CAMKMT: variants seen among roughly 807,000 people sequenced by gnomAD.
CAMKMT encodes CaM KMT.
In CAMKMT, 53 loss-of-function variants were observed where a neutral mutation model predicts 48.0. The ratio of observed to expected loss-of-function variants is 1.10; its 90% CI spans 0.89 to 1.39. The LOEUF (loss-of-function observed/expected upper bound fraction) is 1.39, where lower values mean the gene tolerates loss of function less well. CAMKMT is among the 40% of genes most tolerant of loss of function. CAMKMT has a pLI of 0.00. For synonymous variants in CAMKMT, 165 were observed against 152.3 expected, an observed-to-expected ratio of 1.08 and a Z score of -0.61; for missense variants, 428 against 402.7, an observed-to-expected ratio of 1.06 and a Z score of -0.54.
intron 3 of CAMKMT, among the ~76,000 whole-genome samples, chr2:44,496,042 G>A (rs1031498020): frequency 6.6e-6 from 1 of 151,990 alleles, no homozygotes; most frequent in Non-Finnish European, 1.5e-5. Context: ...TCAGAGTAAG[G>A]CCATGGTTGC....
intron 6 of CAMKMT, 43 bp from the exon 7 acceptor site, chr2:44,715,244 A>C (rs146599087): frequency 7.7e-7 from 1 of 1,295,470 alleles, no homozygotes; most frequent in Non-Finnish European, 1.1e-6. Flanking sequence ...TTTTTTGGTC[A>C]CTTCACAATC....
At chr2:44,531,993 C>A (rs762599704) in intron 3 of CAMKMT, among the ~76,000 whole-genome samples, 1 of 152,096 alleles carries the variant, frequency 6.6e-6, no homozygotes, top group Non-Finnish European at 1.5e-5. Context: ...ATATTATATC[C>A]TAGTAATTGA....
At chr2:44,438,828 C>T (rs1666452526) in intron 3 of CAMKMT, among the ~76,000 whole-genome samples, 1 of 151,958 alleles carries the variant, frequency 6.6e-6, no homozygotes. Context: ...CTCTTGAGTA[C>T]CAGGTGTGCT....
intron 3 of CAMKMT, among the ~76,000 whole-genome samples, chr2:44,403,184 C>T (rs1682548622): frequency 6.6e-6 from 1 of 152,156 alleles, no homozygotes. Flanking sequence ...TCAGAGAAAA[C>T]ACTTTTGAGT....
intron 3 of CAMKMT, among the ~76,000 whole-genome samples, chr2:44,541,429 T>C (rs1667100255): frequency 6.6e-6 from 1 of 152,208 alleles, no homozygotes; most frequent in Admixed American, 6.5e-5. Context: ...TTTATGTTTA[T>C]CTATATTTTA....
intron 3 of CAMKMT, among the ~76,000 whole-genome samples, chr2:44,570,490 T>A (rs2103733202): frequency 6.6e-6 from 1 of 152,274 alleles, no homozygotes; most frequent in African/African-American, 2.4e-5. Context: ...AAAATACTAT[T>A]ATCTGAATCT....
intron 8 of CAMKMT, among the ~76,000 whole-genome samples, chr2:44,744,157 A>G (rs1158630808): frequency 6.6e-6 from 1 of 152,220 alleles, no homozygotes; most frequent in African/African-American, 2.4e-5. Context: ...TATCTGTGGA[A>G]TATCTTTGGG....
At chr2:44,719,065 T>C (rs938562606) in intron 7 of CAMKMT, among the ~76,000 whole-genome samples, 1 of 152,194 alleles carries the variant, frequency 6.6e-6, no homozygotes, top group Non-Finnish European at 1.5e-5. Context: ...TTGATTTTCC[T>C]GGGCCTTCTG....
intron 3 of CAMKMT, among the ~76,000 whole-genome samples, chr2:44,693,187 G>T (rs1676757551): frequency 1.3e-5 from 2 of 152,038 alleles, no homozygotes; most frequent in African/African-American, 2.4e-5. Context: ...GCCTCCTCTT[G>T]CCCCGTTTCA....
At chr2:44,625,798 ATTG>A (rs1553427981) in intron 3 of CAMKMT, among the ~76,000 whole-genome samples, 1 of 152,016 alleles carries the variant, frequency 6.6e-6, no homozygotes, top group Non-Finnish European at 1.5e-5. Flanking sequence ...ACTTTTACAT[ATTG>A]TTGAAAATTA....
At chr2:44,571,373 G>A (rs1402414348) in intron 3 of CAMKMT, among the ~76,000 whole-genome samples, 2 of 152,140 alleles carry the variant, frequency 1.3e-5, no homozygotes, top group Admixed American at 1.3e-4. Context: ...AGCAATATTT[G>A]AAAACAGGTT....
At chr2:44,631,467 C>G (rs981080976) in intron 3 of CAMKMT, 3 of 587,698 alleles carry the variant, frequency 5.1e-6, no homozygotes, top group Admixed American at 2.7e-5. Flanking sequence ...GAAAAAAAAA[C>G]AATTTTTTAT....
At chr2:44,668,728 C>G (rs1241309801) in intron 3 of CAMKMT, among the ~76,000 whole-genome samples, 1 of 152,154 alleles carries the variant, frequency 6.6e-6, no homozygotes, top group Non-Finnish European at 1.5e-5. Flanking sequence ...ACCTCCACTG[C>G]TTAAGTAACC....
chr2:44,670,724 G>C (rs919713952), intron 3 of CAMKMT, among the ~76,000 whole-genome samples: 10 of 152,146 alleles, frequency 6.6e-5, no homozygotes, highest in African/African-American at 2.4e-4. Flanking sequence ...CACCTCCAGA[G>C]TTTCTGATTC....
At chr2:44,540,687 G>T (rs1007760924) in intron 3 of CAMKMT, among the ~76,000 whole-genome samples, 2 of 152,094 alleles carry the variant, frequency 1.3e-5, no homozygotes, top group South Asian at 4.1e-4. Flanking sequence ...GAAGGGCAAG[G>T]CTGCAGTGAG....
At chr2:44,503,551 A>G (rs1287137951) in intron 3 of CAMKMT, among the ~76,000 whole-genome samples, 2 of 152,180 alleles carry the variant, frequency 1.3e-5, no homozygotes, top group African/African-American at 4.8e-5. Context: ...GATAAAAGGG[A>G]AGAGGACCTT....
intron 3 of CAMKMT, among the ~76,000 whole-genome samples, chr2:44,540,954 T>C (rs1667075073): frequency 6.6e-6 from 1 of 152,242 alleles, no homozygotes; most frequent in Admixed American, 6.5e-5. Flanking sequence ...TATCCTAGCA[T>C]CATTTACCAA....
chr2:44,604,849 T>A (rs943390622), intron 3 of CAMKMT, among the ~76,000 whole-genome samples: 5 of 152,106 alleles, frequency 3.3e-5, no homozygotes, highest in Non-Finnish European at 7.4e-5. Context: ...ATTATCTGAT[T>A]CCCACTATGG....
intron 3 of CAMKMT, among the ~76,000 whole-genome samples, chr2:44,649,092 A>C (rs535364616): frequency 8.5e-5 from 13 of 152,160 alleles, no homozygotes; most frequent in Non-Finnish European, 1.3e-4. Flanking sequence ...ATCCCACTAA[A>C]TCATGATATA....
Sources: allele counts gnomAD v4.1 joint callset (sites outside exome capture counted in the v4.1 genomes callset), GRCh38; gene constraint gnomAD v4.1.1; transcripts MANE v1.5; gene names NCBI Gene and HGNC (gene_info 2026-07-23, HGNC 2026-07-21).